PCCB: variants seen among roughly 807,000 people sequenced by gnomAD.
PCCB encodes the protein propionyl-CoA carboxylase beta chain, mitochondrial.
In PCCB, 43 loss-of-function variants were observed where a neutral mutation model predicts 60.7. The ratio of observed to expected loss-of-function variants is 0.71; its 90% CI spans 0.55 to 0.91. PCCB has a LOEUF of 0.91. PCCB is among the 40% of genes least tolerant of loss of function. The probability of loss-of-function intolerance (pLI) is 0.00; values close to 1 mark genes in which losing one functional copy is unlikely to be tolerated. For missense variants in PCCB, 766 were observed against 702.8 expected, an observed-to-expected ratio of 1.09 and a Z score of -1.02; for synonymous variants, 276 against 255.9, an observed-to-expected ratio of 1.08 and a Z score of -0.75.
intron 6 of PCCB, among the ~76,000 whole-genome samples, chr3:136,289,298 CAT>C (rs1241620096): frequency 6.6e-6 from 1 of 152,190 alleles, no homozygotes; most frequent in Non-Finnish European, 1.5e-5. Context: ...GTATTTGCCT[CAT>C]GTTATTTTGA....
rs569222703 is a variant in PCCB, at chr3:136,300,421, C to T, written c.885-609C>T. ...TTGGAGAGGGGCAAGTTGCTGGGTC[C>T]TCCTGTAGAGTGGGAGTGGGCTCTG... On this transcript the variant is annotated intron_variant, in intron 8 of 14. Coordinates refer to ENST00000251654, the MANE Select transcript of PCCB (RefSeq NM_000532.5). 1.2e-4 allele frequency among the ~76,000 whole-genome samples: 18 copies of T among 152,284 alleles called. No homozygotes were observed. In the East Asian group the frequency reaches 3.5e-3, roughly 29 times the overall value.
At chr3:136,298,223 C>A in intron 8 of PCCB, 151 bp downstream of exon 8, 1 of 891,486 alleles carries the variant, frequency 1.1e-6, no homozygotes. Context: ...TCATGTTTGG[C>A]TATAGGAGCA....
At position 136,327,110 on chromosome 3, in the gene PCCB, C is replaced by T. The variant is rs766976747; in HGVS notation, c.1199-45C>T. 5 of 1,546,342 alleles carry T rather than the reference C, an allele frequency of 3.2e-6. No individual in the cohort carries two copies. The South Asian group carries it at 4.5e-5, about 14-fold the overall frequency. On this transcript the variant is annotated intron_variant, in intron 11 of 14. Coordinates refer to ENST00000251654, the MANE Select transcript of PCCB (RefSeq NM_000532.5). ...TCACAGCTGAGAGTGGCAGGATAAC[C>T]ATGTGAGGACTTGTGGGTATCTAGT...
At chr3:136,316,197 G>A (rs1408655171) in intron 9 of PCCB, among the ~76,000 whole-genome samples, 1 of 151,402 alleles carries the variant, frequency 6.6e-6, no homozygotes. Flanking sequence ...TCCAGCCTGG[G>A]TGACAGAGGG....
chr3:136,251,865 CT>C (rs768852774), intron 1 of PCCB, among the ~76,000 whole-genome samples: 2 of 152,182 alleles, frequency 1.3e-5, no homozygotes, highest in East Asian at 3.9e-4. Flanking sequence ...TATGAACCCC[CT>C]CCTGCACCCC....
rs1433809963 is a variant in PCCB, at chr3:136,261,934, A to G, written c.430-18A>G. 6.8e-7 allele frequency: 1 copy of G among 1,467,242 alleles called. No homozygotes were observed. The highest frequency in any genetic ancestry group is 1.4e-5 in the African/African-American group (1 of 71,484). 90.9% of individuals were successfully genotyped at this position (1,467,242 alleles called of 1,614,324 possible). ...TCAAGAACATTTGTCTCAATAAAAGATTTCTCTGCTGTCTCAGATCATGGA... is the reference window on the plus strand; with the variant it reads ...TCAAGAACATTTGTCTCAATAAAAGGTTTCTCTGCTGTCTCAGATCATGGA... On this transcript the variant is annotated intron_variant, in intron 4 of 14. Coordinates refer to ENST00000251654, the MANE Select transcript of PCCB (RefSeq NM_000532.5).
At chr3:136,316,471 C>T (rs1015995714) in intron 9 of PCCB, among the ~76,000 whole-genome samples, 7 of 151,982 alleles carry the variant, frequency 4.6e-5, no homozygotes, top group African/African-American at 1.7e-4. Flanking sequence ...CCTGCCACCA[C>T]ACCAGGCCAA....
chr3:136,253,178 C>A (rs926651084), intron 1 of PCCB, among the ~76,000 whole-genome samples: 4 of 150,186 alleles, frequency 2.7e-5, no homozygotes, highest in Non-Finnish European at 4.4e-5. Context: ...CAAGCTCCGC[C>A]TCCCGGGTTC....
intron 5 of PCCB, among the ~76,000 whole-genome samples, chr3:136,279,957 C>T (rs535799874): frequency 2.0e-4 from 31 of 152,308 alleles, no homozygotes; most frequent in Middle Eastern, 3.4e-3. Context: ...TGAGCCACCG[C>T]GCCCGGCCTT....
chr3:136,256,143 A>C, intron 2 of PCCB, 168 bp downstream of exon 2: 1 of 981,822 alleles, frequency 1.0e-6, no homozygotes, highest in Non-Finnish European at 1.5e-6. Flanking sequence ...GGCTTTCGCC[A>C]TGTTGGTCAG....
chr3:136,281,845 C>CT (rs1942484108), intron 5 of PCCB, among the ~76,000 whole-genome samples: 1 of 152,048 alleles, frequency 6.6e-6, no homozygotes. Context: ...GAGTATGTTC[C>CT]TTTTTTAATA....
At chr3:136,256,454 A>T in intron 2 of PCCB, 101 bp from the exon 3 acceptor site, 1 of 834,232 alleles carries the variant, frequency 1.2e-6, no homozygotes, top group South Asian at 1.4e-5. Flanking sequence ...ACGTTTTAGG[A>T]ATTTGGGTTT....
chr3:136,290,482 G>A (rs1455779567), intron 6 of PCCB, among the ~76,000 whole-genome samples: 2 of 151,744 alleles, frequency 1.3e-5, no homozygotes, highest in African/African-American at 4.8e-5. Flanking sequence ...TCTGTAGTTT[G>A]GAAATAATGT....
chr3:136,317,253 T>C (rs1479820748), intron 10 of PCCB, among the ~76,000 whole-genome samples, 189 bp downstream of exon 10: 1 of 120,504 alleles, frequency 8.3e-6, no homozygotes, highest in East Asian at 4.0e-4. Context: ...AGACAGGGTC[T>C]TACTGGTGTC....
chr3:136,327,516 G>A (rs1482325590), intron 12 of PCCB, 118 bp from the exon 13 acceptor site: 14 of 826,048 alleles, frequency 1.7e-5, no homozygotes, highest in Non-Finnish European at 2.1e-5. Flanking sequence ...TGGGCCTTCA[G>A]GAGCCCAGTA....
At chr3:136,312,565 T>G (rs1245308954) in intron 9 of PCCB, among the ~76,000 whole-genome samples, 2 of 152,180 alleles carry the variant, frequency 1.3e-5, no homozygotes, top group Non-Finnish European at 2.9e-5. Flanking sequence ...TAGGAAAATA[T>G]AAAATTAGAT....
In PCCB at chr3:136,324,385, T is replaced by G. The variant is rs374779645; in HGVS notation, c.1091-2418T>G. On this transcript the variant is annotated intron_variant, in intron 10 of 14. Coordinates refer to ENST00000251654, the MANE Select transcript of PCCB (RefSeq NM_000532.5). ...CTTTGATGCTTAGCCAAACTTGAACTAAGGTTTGAGATCAGCTCAAGGTTA... is the reference window on the plus strand; with the variant it reads ...CTTTGATGCTTAGCCAAACTTGAACGAAGGTTTGAGATCAGCTCAAGGTTA... Among the ~76,000 whole-genome samples the G allele has an allele frequency of 2.6e-4, 40 of 152,214 alleles. 1 individual carries two copies. The highest frequency in any genetic ancestry group is 9.6e-4 in the African/African-American group (40 of 41,454).
At chr3:136,265,309 T>C (rs2108152692) in intron 5 of PCCB, among the ~76,000 whole-genome samples, 1 of 152,328 alleles carries the variant, frequency 6.6e-6, no homozygotes, top group South Asian at 2.1e-4. Context: ...CATAATCTAG[T>C]TTTCAAACCT....
chr3:136,328,431 C>G (rs1281128707), intron 13 of PCCB, among the ~76,000 whole-genome samples: 4 of 152,144 alleles, frequency 2.6e-5, no homozygotes, highest in Non-Finnish European at 5.9e-5. Context: ...TAATGGAAAA[C>G]AGGGCTAACA....
Sources: gnomAD v4.1 joint callset for allele counts (sites outside exome capture counted in the v4.1 genomes callset) on GRCh38, gnomAD v4.1.1 for gene constraint, MANE v1.5 for transcripts, NCBI Gene and HGNC (gene_info 2026-07-23, HGNC 2026-07-21) for gene names.